Variants in CCDC82 observed in about 807,000 individuals in gnomAD.
CCDC82 encodes coiled-coil domain containing 82.
A neutral mutation model predicts 60.6 loss-of-function variants in CCDC82; 47 were observed. The observed-to-expected ratio is 0.77, with a 90% confidence interval of 0.61 to 0.99. The LOEUF (loss-of-function observed/expected upper bound fraction) is 0.99. Among genes scored for constraint, CCDC82 ranks in the 50% least tolerant of loss-of-function variants. The pLI, the probability that CCDC82 is intolerant of heterozygous loss-of-function variation, is 0.00. For synonymous variants in CCDC82, 212 were observed against 207.4 expected (o/e 1.02, Z -0.19); for missense variants, 588 against 633.0 (o/e 0.93, Z 0.76).
chr11:96,379,501 T>C (rs1010159899), intron 5 of CCDC82, among the ~76,000 whole-genome samples: 4 of 151,824 alleles, frequency 2.6e-5, no homozygotes, highest in African/African-American at 9.7e-5. Context: ...CGAACTCTAA[T>C]GGGTACTAGA....
At chr11:96,373,339 T>G in intron 6 of CCDC82, 36 bp downstream of exon 6, 1 of 1,328,534 alleles carries the variant, frequency 7.5e-7, no homozygotes, top group Non-Finnish European at 1.1e-6. Flanking sequence ...GAAAAAGAAA[T>G]AAAAACCAAT....
At chr11:96,386,516 A>C (rs1261739190) in intron 2 of CCDC82, 1 of 152,092 alleles carries the variant, frequency 6.6e-6, no homozygotes, top group Non-Finnish European at 1.5e-5. Context: ...GTGCAGTGGC[A>C]TGATCATAGA....
intron 9 of CCDC82, chr11:96,357,585 A>G: frequency 4.1e-6 from 4 of 984,684 alleles, no homozygotes; most frequent in Non-Finnish European, 4.8e-6. Context: ...TTTTTCTTCA[A>G]GAAGTTTAAA....
intron 8 of CCDC82, 96 bp downstream of exon 8, chr11:96,364,884 T>C: frequency 8.7e-7 from 1 of 1,150,570 alleles, no homozygotes; most frequent in Non-Finnish European, 1.2e-6. Flanking sequence ...CTAAAAATGT[T>C]TCCACTTGGG....
chr11:96,388,022 G>A (rs1866297325), intron 1 of CCDC82: 1 of 152,192 alleles, frequency 6.6e-6, no homozygotes, highest in Non-Finnish European at 1.5e-5. Flanking sequence ...AGGTTTCATT[G>A]GACCAACTGC....
rs1472698588 is a variant in CCDC82 at position 96,384,420 on chromosome 11, CA to C, written c.327del (p.Tyr109Ter). 2 of 1,613,656 alleles carry C rather than the reference CA, an allele frequency of 1.2e-6. No individual in the cohort carries two copies. Among genetic ancestry groups the C allele is most frequent in the Non-Finnish European group, 1.7e-6 (2 of 1,179,824 alleles). ...TGTTTGATTTTGTTCGTTTCTTCTT[CA>C]TATGTTGAACCGTTGCCAGAGTTAA... is the stretch of plus-strand genomic sequence containing the variant. ...CLINSGNGST[Y>X]EEETNKIKHR... is the part of the protein sequence containing the mutation. On this transcript the variant is annotated frameshift_variant, in exon 4 of 10. Transcript: ENST00000646818. LOFTEE classifies it high-confidence loss of function.
Position 96,383,375 on chromosome 11 carries a change from G to A in CCDC82, c.885C>T (p.Ile295=), listed in dbSNP as rs773382248. Residue 295 remains isoleucine (I), a synonymous_variant, in exon 5 of 10, where the codon ATC becomes ATT. Coordinates refer to ENST00000646818, the MANE Select transcript of CCDC82 (RefSeq NM_024725.4). ...ESDEDGDDYI[I]DDFVVQDEEG... ...CCTCATCTTGCACTACAAAGTCATC[G>A]ATAATATAATCATCTCCATCTTCAT... 1.5e-5 allele frequency: 24 copies of A among 1,600,824 alleles called. No individual in the cohort carries two copies. Among genetic ancestry groups the A allele is most frequent in the Non-Finnish European group, 2.0e-5 (24 of 1,171,300 alleles).
chr11:96,383,391 C>G lies in CCDC82; in HGVS notation c.869G>C (p.Gly290Ala). ...AAAGTCATCGATAATATAATCATCT[C>G]CATCTTCATCAGATTCATAATTATC... The part of the protein sequence containing the change: ...EEDNYESDED[G>A]DDYIIDDFVV... The change falls in exon 5 of 10, where the codon GGA becomes GCA. Residue 290 changes from glycine (G) to alanine (A), a missense_variant. Coordinates refer to ENST00000646818, the MANE Select transcript of CCDC82 (RefSeq NM_024725.4). 1.2e-6 allele frequency: 2 copies of G among 1,600,482 alleles called. No homozygotes were observed. Among genetic ancestry groups the G allele is most frequent in the Non-Finnish European group, 1.7e-6 (2 of 1,171,088 alleles).
At chr11:96,358,062 T>C (rs1864437701) in intron 9 of CCDC82, 1 of 985,196 alleles carries the variant, frequency 1.0e-6, no homozygotes, top group Non-Finnish European at 1.2e-6. Flanking sequence ...GCTAAAAAAG[T>C]TTCTGTTTTG....
chr11:96,371,754 C>T (rs530631921), intron 6 of CCDC82, among the ~76,000 whole-genome samples: 1 of 152,194 alleles, frequency 6.6e-6, no homozygotes, highest in East Asian at 1.9e-4. Flanking sequence ...AGGCCGTCTA[C>T]AATTGACTCC....
Position 96,384,637 on chromosome 11 carries a change from T to C in CCDC82, c.111A>G (p.Leu37=). ...RRTKRSSISQ[L]LDSDEELDSE... ...TATCAAGCTCTTCATCACTATCAAGTAATTGTGAGATACTACTTCTTTTAG... is the reference window on the plus strand; with the variant it reads ...TATCAAGCTCTTCATCACTATCAAGCAATTGTGAGATACTACTTCTTTTAG... Residue 37 remains leucine, a synonymous_variant, in exon 4 of 10, where the codon TTA becomes TTG. Transcript: ENST00000646818. The C allele has an allele frequency of 6.2e-7, 1 of 1,613,648 alleles. No homozygotes were observed. The highest frequency in any genetic ancestry group is 8.5e-7 in the Non-Finnish European group (1 of 1,179,706).
At chr11:96,363,187 C>A (rs966382154) in intron 8 of CCDC82, 3 of 152,254 alleles carry the variant, frequency 2.0e-5, no homozygotes, top group African/African-American at 7.2e-5. Flanking sequence ...ATCTCCTGAC[C>A]TCGTGATCCG....
At chr11:96,378,569 A>T (rs1362634694) in intron 5 of CCDC82, among the ~76,000 whole-genome samples, 1 of 151,982 alleles carries the variant, frequency 6.6e-6, no homozygotes, top group Non-Finnish European at 1.5e-5. Flanking sequence ...ATGTTCACTT[A>T]GTCTAATTTC....
At chr11:96,375,377 C>T (rs947943029) in intron 5 of CCDC82, among the ~76,000 whole-genome samples, 7 of 152,232 alleles carry the variant, frequency 4.6e-5, no homozygotes, top group African/African-American at 1.4e-4. Flanking sequence ...TGTCCCTAAC[C>T]ATAAGATTCT....
At chr11:96,377,366 A>C (rs1387474163) in intron 5 of CCDC82, among the ~76,000 whole-genome samples, 2 of 148,768 alleles carry the variant, frequency 1.3e-5, no homozygotes, top group East Asian at 3.9e-4. Context: ...ATACACACAC[A>C]CACACACACA....
chr11:96,358,430 G>C (rs567262655), intron 9 of CCDC82: 8 of 1,228,608 alleles, frequency 6.5e-6, no homozygotes, highest in Admixed American at 4.2e-5. Flanking sequence ...GTGATCAATA[G>C]GATATGGGGG....
At chr11:96,370,070 G>T (rs1469934544) in intron 7 of CCDC82, among the ~76,000 whole-genome samples, 1 of 152,146 alleles carries the variant, frequency 6.6e-6, no homozygotes, top group Non-Finnish European at 1.5e-5. Context: ...CCTCCAACTT[G>T]AAGTCTTTTA....
intron 9 of CCDC82, chr11:96,357,038 T>TA (rs1848351199): frequency 1.0e-6 from 1 of 985,414 alleles, no homozygotes; most frequent in Admixed American, 6.1e-5. Context: ...TCTAAAGGGT[T>TA]AGAGTAACTG....
intron 8 of CCDC82, chr11:96,364,127 T>G (rs1864820970): frequency 1.3e-5 from 2 of 152,154 alleles, no homozygotes; most frequent in South Asian, 4.1e-4. Context: ...TAACAGAACA[T>G]GGTCCCTAAT....
Sources: allele counts gnomAD v4.1 joint callset (sites outside exome capture counted in the v4.1 genomes callset), GRCh38; gene constraint gnomAD v4.1.1; transcripts MANE v1.5; gene names NCBI Gene and HGNC (gene_info 2026-07-23, HGNC 2026-07-21).